USH2A: variants seen among roughly 807,000 people sequenced by gnomAD.
USH2A encodes usherin.
USH2A carries 443 observed loss-of-function variants against 538.9 expected under a neutral mutation model. That is an observed-to-expected ratio of 0.82 (90% CI 0.76 to 0.89). USH2A has a LOEUF of 0.89. USH2A is among the 40% of genes least tolerant of loss of function. The pLI is 0.00. For synonymous variants in USH2A, 2,413 were observed against 2,273.5 expected, an observed-to-expected ratio of 1.06 and a Z score of -1.75; for missense variants, 6,633 against 6,324.8, an observed-to-expected ratio of 1.05 and a Z score of -1.65.
At chr1:216,379,116 G>A (rs995885602) in intron 3 of USH2A, among the ~76,000 whole-genome samples, 12 of 152,276 alleles carry the variant, frequency 7.9e-5, no homozygotes, top group African/African-American at 2.9e-4. Flanking sequence ...GATGCCTGGT[G>A]ATGGGAAAGA....
chr1:216,015,129 T>G (rs1490815996), intron 32 of USH2A, among the ~76,000 whole-genome samples: 2 of 152,174 alleles, frequency 1.3e-5, no homozygotes, highest in Non-Finnish European at 2.9e-5. Flanking sequence ...AATCATCAAT[T>G]AGATGTTTAA....
chr1:216,158,112 A>T (rs2033986134), intron 21 of USH2A, among the ~76,000 whole-genome samples: 1 of 152,150 alleles, frequency 6.6e-6, no homozygotes, highest in Non-Finnish European at 1.5e-5. Context: ...GAATAAATTT[A>T]TTATAATTTA....
intron 9 of USH2A, among the ~76,000 whole-genome samples, chr1:216,300,832 T>C (rs569751587): frequency 2.1e-4 from 30 of 144,992 alleles, no homozygotes; most frequent in African/African-American, 7.7e-4. Flanking sequence ...CACTGAAACC[T>C]CCACCACCCA....
chr1:216,195,243 G>A (rs1446042417), intron 19 of USH2A, among the ~76,000 whole-genome samples: 3 of 152,078 alleles, frequency 2.0e-5, no homozygotes, highest in Non-Finnish European at 4.4e-5. Flanking sequence ...TTGGGTATAA[G>A]CAGAGCCAAA....
chr1:216,100,035 A>G (rs1250727504), intron 21 of USH2A, among the ~76,000 whole-genome samples: 1 of 152,228 alleles, frequency 6.6e-6, no homozygotes, highest in Non-Finnish European at 1.5e-5. Flanking sequence ...GGGCAAGAAT[A>G]AAGTTAGATC....
chr1:216,228,656 T>C (rs1313769806), intron 14 of USH2A, among the ~76,000 whole-genome samples: 2 of 152,188 alleles, frequency 1.3e-5, no homozygotes, highest in Admixed American at 1.3e-4. Flanking sequence ...CCAAGCCATG[T>C]GGAATTGTAA....
At chr1:215,998,048 T>C (rs1294614547) in intron 34 of USH2A, among the ~76,000 whole-genome samples, 2 of 152,126 alleles carry the variant, frequency 1.3e-5, no homozygotes, top group African/African-American at 4.8e-5. Context: ...AATGAATGCA[T>C]ACACAGTGTC....
chr1:216,418,473 T>C (rs773581620), intron 3 of USH2A, 41 bp downstream of exon 3: 2 of 1,603,320 alleles, frequency 1.2e-6, no homozygotes, highest in South Asian at 1.1e-5. Context: ...AGACAAATCC[T>C]TGTGTTTAAC....
chr1:216,199,892 A>G lies in USH2A; in HGVS notation c.3546T>C (p.Tyr1182=), dbSNP rs762167370. 2.0e-5 allele frequency: 33 copies of G among 1,614,142 alleles called. No individual in the cohort carries two copies. Among genetic ancestry groups the G allele is most frequent in the Non-Finnish European group, 2.8e-5 (33 of 1,179,998 alleles). The change falls in exon 17 of 72, where the codon TAT becomes TAC. Residue 1182 remains tyrosine, a synonymous_variant. Transcript: ENST00000307340. ...LSNQSGPIEK[Y]ILSCAPLAGG... is the part of the protein sequence containing the mutation. ...CAGCCAAAGGGGCACAGGACAAAAT[A>G]TATTTCTCTATGGGACCAGATTGAT... is the stretch of plus-strand genomic sequence containing the variant.
chr1:215,675,554 G>A lies in USH2A; in HGVS notation c.12357C>T (p.Phe4119=). 6.2e-7 allele frequency: 1 copy of A among 1,614,072 alleles called. No homozygotes were observed. The highest frequency in any genetic ancestry group is 1.7e-5 in the Admixed American group (1 of 60,002). ...AGAGAGTGAAAGGATCCAGGCGGCG[G>A]AAGAGAAACTGACGATTCAAACCAG... ...EYSGLNRQFL[F]RRLDPFTLYT... The change falls in exon 63 of 72, where the codon TTC becomes TTT. Residue 4119 remains phenylalanine, a synonymous_variant. Coordinates refer to ENST00000307340, the MANE Select transcript of USH2A (RefSeq NM_206933.4).
At chr1:215,802,652 G>T (rs1662371866) in intron 49 of USH2A, among the ~76,000 whole-genome samples, 1 of 152,048 alleles carries the variant, frequency 6.6e-6, no homozygotes, top group South Asian at 2.1e-4. Context: ...CTTATGCGTT[G>T]TTGGGAATAT....
chr1:215,969,064 G>A (rs1667428577), intron 36 of USH2A, among the ~76,000 whole-genome samples: 2 of 152,090 alleles, frequency 1.3e-5, no homozygotes, highest in Admixed American at 1.3e-4. Flanking sequence ...CACTTAATGG[G>A]CACAAAAATA....
At chr1:216,247,331 G>T in intron 12 of USH2A, 105 bp from the exon 13 acceptor site, 1 of 1,420,272 alleles carries the variant, frequency 7.0e-7, no homozygotes, top group Non-Finnish European at 9.7e-7. Flanking sequence ...ACAAAATATT[G>T]AGTGTTTTCT....
At chr1:216,374,284 G>A (rs1250805399) in intron 3 of USH2A, among the ~76,000 whole-genome samples, 4 of 85,906 alleles carry the variant, frequency 4.7e-5, no homozygotes, top group Non-Finnish European at 5.6e-5. Flanking sequence ...AAGCAGTGCC[G>A]ACCCAAAAAA....
chr1:216,326,262 C>T (rs975945203), intron 5 of USH2A, among the ~76,000 whole-genome samples: 1 of 152,152 alleles, frequency 6.6e-6, no homozygotes, highest in African/African-American at 2.4e-5. Context: ...CAGAATTAGT[C>T]ATTCTATTTA....
chr1:216,405,700 C>T (rs951889895), intron 3 of USH2A, among the ~76,000 whole-genome samples: 2 of 152,056 alleles, frequency 1.3e-5, no homozygotes, highest in Admixed American at 6.6e-5. Context: ...TCCAGAGAAA[C>T]GAATATGTAT....
chr1:215,954,010 T>G (rs574851025), intron 37 of USH2A, among the ~76,000 whole-genome samples: 1 of 152,054 alleles, frequency 6.6e-6, no homozygotes, highest in South Asian at 2.1e-4. Context: ...AAAACCACAA[T>G]GAGATACCAT....
chr1:215,912,820 C>T (rs1291058816), intron 38 of USH2A, among the ~76,000 whole-genome samples: 3 of 151,972 alleles, frequency 2.0e-5, no homozygotes, highest in African/African-American at 7.2e-5. Flanking sequence ...CCTTCACCCT[C>T]GAGTAGGCCC....
At chr1:216,406,708 C>T (rs762674868) in intron 3 of USH2A, among the ~76,000 whole-genome samples, 2 of 152,026 alleles carry the variant, frequency 1.3e-5, no homozygotes, top group Non-Finnish European at 2.9e-5. Context: ...ATATATGTTC[C>T]CATAGATTTC....
Sources: gnomAD v4.1 joint callset for allele counts (sites outside exome capture counted in the v4.1 genomes callset) on GRCh38, gnomAD v4.1.1 for gene constraint, MANE v1.5 for transcripts, NCBI Gene and HGNC (gene_info 2026-07-23, HGNC 2026-07-21) for gene names.